The following TMC2 variants were observed in gnomAD, a reference collection of about 807,000 sequenced individuals.
TMC2 encodes transmembrane channel like 2.
A neutral mutation model predicts 105.9 loss-of-function variants in TMC2; 102 were observed. The ratio of observed to expected loss-of-function variants is 0.96; its 90% CI spans 0.82 to 1.14. The LOEUF is 1.14. TMC2 is among the 50% of genes most tolerant of loss of function. TMC2 has a pLI of 0.00. For synonymous variants in TMC2, 402 were observed against 422.8 expected, an observed-to-expected ratio of 0.95 and a Z score of 0.60; for missense variants, 1,093 against 1,134.3, an observed-to-expected ratio of 0.96 and a Z score of 0.52.
chr20:2,622,996 C>T (rs1428740524), intron 16 of TMC2, among the ~76,000 whole-genome samples: 1 of 151,866 alleles, frequency 6.6e-6, no homozygotes, highest in African/African-American at 2.4e-5. Context: ...CAATACCTTG[C>T]CCAAAGGTAT....
intron 11 of TMC2, among the ~76,000 whole-genome samples, chr20:2,608,078 T>G (rs904898683): frequency 2.0e-5 from 3 of 149,574 alleles, no homozygotes; most frequent in African/African-American, 7.4e-5. Context: ...GAGCCAAGAC[T>G]GCGCCATTGC....
intron 16 of TMC2, chr20:2,618,052 T>C (rs1397470235): frequency 6.6e-6 from 1 of 152,290 alleles, no homozygotes; most frequent in Non-Finnish European, 1.5e-5. Flanking sequence ...TTTGAAATTA[T>C]ACAATGAATT....
Position 2,613,237 on chromosome 20 carries a change from T to A in TMC2, c.1787T>A (p.Ile596Asn), listed in dbSNP as rs771946297. Residue 596 changes from isoleucine to asparagine, a missense_variant, in exon 14 of 20, where the codon ATC becomes AAC. Physicochemically the swap from Ile to Asn is moderately radical, Grantham distance 149. Transcript: ENST00000358864. ...LTVSDMLVTY[I>N]TILLGDFLRA... The stretch of plus-strand genomic sequence containing the variant: ...GTGTCTGACATGCTGGTAACGTACA[T>A]CACCATCCTGCTGGGGGACTTCCTA... The A allele has an allele frequency of 4.3e-6, 7 of 1,614,060 alleles. No individual in the cohort carries two copies. In the South Asian group the frequency reaches 7.7e-5, roughly 18 times the overall value.
At chr20:2,613,612 G>A in intron 14 of TMC2, 1 of 377,216 alleles carries the variant, frequency 2.7e-6, no homozygotes, top group Admixed American at 3.8e-5. Flanking sequence ...TGAGCCAATG[G>A]TTGATAGGGA....
chr20:2,577,471 G>T (rs1417674158), intron 5 of TMC2, among the ~76,000 whole-genome samples: 1 of 152,204 alleles, frequency 6.6e-6, no homozygotes, highest in Non-Finnish European at 1.5e-5. Context: ...CAACCAGTCT[G>T]CTGATGGGCT....
intron 11 of TMC2, among the ~76,000 whole-genome samples, chr20:2,607,057 C>A (rs866196675): frequency 6.6e-6 from 1 of 151,614 alleles, no homozygotes; most frequent in Non-Finnish European, 1.5e-5. Context: ...CTTTTTGGTG[C>A]GTTTTCATTA....
At chr20:2,555,074 T>C (rs1398707279) in intron 2 of TMC2, among the ~76,000 whole-genome samples, 1 of 152,150 alleles carries the variant, frequency 6.6e-6, no homozygotes, top group Non-Finnish European at 1.5e-5. Context: ...CCTTGCAGTT[T>C]TTTTATGTTT....
chr20:2,639,859 G>GA (rs2086675509), intron 19 of TMC2, among the ~76,000 whole-genome samples: 1 of 152,174 alleles, frequency 6.6e-6, no homozygotes, highest in African/African-American at 2.4e-5. Context: ...GACCATCTCT[G>GA]AGATGATCCC....
At chr20:2,609,781 C>T (rs941566855) in intron 11 of TMC2, among the ~76,000 whole-genome samples, 2 of 152,134 alleles carry the variant, frequency 1.3e-5, no homozygotes, top group African/African-American at 4.8e-5. Flanking sequence ...TCAAGACCAG[C>T]CGAGAAGAGT....
chr20:2,545,819 G>GAAAGAAAGAAAGAA (rs541537119), intron 2 of TMC2, among the ~76,000 whole-genome samples: 1 of 62,002 alleles, frequency 1.6e-5, no homozygotes, highest in Non-Finnish European at 2.8e-5. Flanking sequence ...AGAAGAGGAA[G>GAAAGAAAGAAAGAA]AGGAAGAAAG....
intron 9 of TMC2, among the ~76,000 whole-genome samples, chr20:2,596,617 A>G (rs1220999763): frequency 6.8e-6 from 1 of 148,016 alleles, no homozygotes; most frequent in Admixed American, 6.9e-5. Flanking sequence ...TGGACGACAG[A>G]GCGAGACTCT....
Position 2,643,322 on chromosome 20 carries a change from C to A in TMC2, c.*1971C>A, listed in dbSNP as rs79477844. On this transcript the variant is annotated 3_prime_UTR_variant, in exon 20 of 20. Coordinates refer to ENST00000358864, the MANE Select transcript of TMC2 (RefSeq NM_080751.3). ...CCCAAAGATGGCCACCACACCAACA[C>A]CTGGCCTTCTGCATCAGAATGCCAG... Among the ~76,000 whole-genome samples, 1 of 152,294 alleles carries A rather than the reference C, an allele frequency of 6.6e-6. No individual in the cohort carries two copies. Among genetic ancestry groups the A allele is most frequent in the South Asian group, 2.1e-4 (1 of 4,826 alleles).
At chr20:2,570,229 C>T (rs1277511035) in intron 4 of TMC2, among the ~76,000 whole-genome samples, 1 of 152,054 alleles carries the variant, frequency 6.6e-6, no homozygotes, top group African/African-American at 2.4e-5. Context: ...TTATATGATT[C>T]TCTACCTAGA....
At chr20:2,581,382 C>G (rs1442951626) in intron 7 of TMC2, among the ~76,000 whole-genome samples, 2 of 152,150 alleles carry the variant, frequency 1.3e-5, no homozygotes, top group Non-Finnish European at 2.9e-5. Flanking sequence ...ACCTAGAAAT[C>G]AAGGGTTCTG....
chr20:2,549,520 A>C (rs1280935901), intron 2 of TMC2, among the ~76,000 whole-genome samples: 1 of 152,078 alleles, frequency 6.6e-6, no homozygotes, highest in Non-Finnish European at 1.5e-5. Context: ...AGGCGGGCGG[A>C]TCACTTGAGG....
At chr20:2,622,083 AC>A (rs1253248310) in intron 16 of TMC2, among the ~76,000 whole-genome samples, 1 of 152,224 alleles carries the variant, frequency 6.6e-6, no homozygotes, top group African/African-American at 2.4e-5. Flanking sequence ...TGTGCCTGGC[AC>A]TTGAAATGCC....
chr20:2,598,678 GAT>G (rs2086327318), intron 10 of TMC2, among the ~76,000 whole-genome samples: 1 of 151,994 alleles, frequency 6.6e-6, no homozygotes, highest in African/African-American at 2.4e-5. Context: ...AAAGTGCTGG[GAT>G]TACAAGCATG....
chr20:2,598,214 A>G (rs1300058667), intron 10 of TMC2, among the ~76,000 whole-genome samples: 1 of 144,660 alleles, frequency 6.9e-6, no homozygotes, highest in Admixed American at 7.0e-5. Flanking sequence ...AAAAAAAAGA[A>G]TTTGAACTTG....
rs775400182 is a variant in TMC2 at position 2,617,291 on chromosome 20, C to G, written c.2160C>G (p.Ser720=). 1 of 1,614,206 alleles carries G rather than the reference C, an allele frequency of 6.2e-7. No individual in the cohort carries two copies. The highest frequency in any genetic ancestry group is 8.5e-7 in the Non-Finnish European group (1 of 1,180,038). ...VAYTIMSLPP[S]FDCGPFSGKN... is the part of the protein sequence containing the mutation. ...ACACCATCATGTCCCTCCCACCCTC[C>G]TTTGACTGCGGGCCGTTCAGGTGCA... The change falls in exon 16 of 20, where the codon TCC becomes TCG. Residue 720 remains serine (S), a synonymous_variant. Transcript: ENST00000358864.
Sources: allele counts gnomAD v4.1 joint callset (sites outside exome capture counted in the v4.1 genomes callset), GRCh38; gene constraint gnomAD v4.1.1; transcripts MANE v1.5; gene names NCBI Gene and HGNC (gene_info 2026-07-23, HGNC 2026-07-21).